The following SEMA6A variants were observed in gnomAD, a reference collection of about 807,000 sequenced individuals.
SEMA6A encodes semaphorin 6A.
A neutral mutation model predicts 96.8 loss-of-function variants in SEMA6A; 25 were observed. The ratio of observed to expected loss-of-function variants is 0.26; its 90% CI spans 0.19 to 0.36. SEMA6A has a LOEUF of 0.36. SEMA6A is among the 10% of genes least tolerant of loss of function. The probability of loss-of-function intolerance (pLI) is 1.00; values close to 1 mark genes in which losing one functional copy is unlikely to be tolerated. For synonymous variants in SEMA6A, 612 were observed against 518.0 expected (o/e 1.18, Z -2.46); for missense variants, 1,363 against 1,323.1 (o/e 1.03, Z -0.47).
At chr5:116,565,134 A>T (rs930734446) in intron 1 of SEMA6A, among the ~76,000 whole-genome samples, 10 of 151,982 alleles carry the variant, frequency 6.6e-5, no homozygotes, top group Non-Finnish European at 1.2e-4. Context: ...CTGTATTTTT[A>T]TTTATTTATT....
intron 18 of SEMA6A, among the ~76,000 whole-genome samples, chr5:116,451,100 A>C (rs1754603430): frequency 6.6e-6 from 1 of 152,184 alleles, no homozygotes; most frequent in South Asian, 2.1e-4. Context: ...ACCTTTTGGC[A>C]AGTGACTTAA....
chr5:116,563,122 T>TTTA (rs1375034244), intron 1 of SEMA6A, among the ~76,000 whole-genome samples: 4 of 152,314 alleles, frequency 2.6e-5, no homozygotes, highest in African/African-American at 9.6e-5. Context: ...TGTTTAGTAC[T>TTTA]TTATAAAGGG....
At chr5:116,501,508 T>C (rs1757878901) in intron 3 of SEMA6A, among the ~76,000 whole-genome samples, 1 of 152,228 alleles carries the variant, frequency 6.6e-6, no homozygotes, top group Admixed American at 6.5e-5. Flanking sequence ...GATATATATG[T>C]TAACTGCAAA....
rs532224875 is a variant in SEMA6A at position 116,519,481 on chromosome 5, C to T, written c.-38-14499G>A. Among the ~76,000 whole-genome samples the T allele has an allele frequency of 3.3e-5, 5 of 152,264 alleles. No individual in the cohort carries two copies. In the South Asian group the frequency reaches 8.3e-4, roughly 25 times the overall value. On this transcript the variant is annotated intron_variant, in intron 1 of 18. Transcript: ENST00000343348. ...AGCTTTTGTTAGTAATTTTCCTGTA[C>T]TCATTCATTCACTCATCGAATTCAG... is the stretch of plus-strand genomic sequence containing the variant.
chr5:116,496,406 A>T, intron 4 of SEMA6A, 93 bp from the exon 5 acceptor site: 3 of 1,005,978 alleles, frequency 3.0e-6, no homozygotes, highest in Non-Finnish European at 4.6e-6. Flanking sequence ...TAAAGGCTGA[A>T]CATATATTTA....
At chr5:116,448,303 C>T (rs1222873936) in intron 18 of SEMA6A, among the ~76,000 whole-genome samples, 1 of 151,906 alleles carries the variant, frequency 6.6e-6, no homozygotes, top group Non-Finnish European at 1.5e-5. Flanking sequence ...GGAGATCAGG[C>T]CACTGTACTC....
chr5:116,459,735 C>G (rs897453128), intron 18 of SEMA6A, among the ~76,000 whole-genome samples: 5 of 152,158 alleles, frequency 3.3e-5, no homozygotes, highest in Non-Finnish European at 7.4e-5. Flanking sequence ...ACTCTCCCTC[C>G]CCCTCTTTCC....
At chr5:116,566,062 A>G (rs908740823) in intron 1 of SEMA6A, among the ~76,000 whole-genome samples, 1 of 152,228 alleles carries the variant, frequency 6.6e-6, no homozygotes, top group Non-Finnish European at 1.5e-5. Flanking sequence ...ATAGAACATT[A>G]AAACATAATT....
chr5:116,546,968 A>C (rs1227093764), intron 1 of SEMA6A, among the ~76,000 whole-genome samples: 4 of 152,222 alleles, frequency 2.6e-5, no homozygotes, highest in African/African-American at 9.6e-5. Flanking sequence ...GAAAAACAAA[A>C]AGGAAAGGGA....
At chr5:116,465,255 C>T (rs960832570) in intron 18 of SEMA6A, among the ~76,000 whole-genome samples, 4 of 152,118 alleles carry the variant, frequency 2.6e-5, no homozygotes, top group African/African-American at 9.7e-5. Flanking sequence ...CAAGACTTTT[C>T]CAACGGAGTA....
At chr5:116,521,219 C>T (rs965576969) in intron 1 of SEMA6A, among the ~76,000 whole-genome samples, 2 of 152,222 alleles carry the variant, frequency 1.3e-5, no homozygotes, top group Non-Finnish European at 2.9e-5. Context: ...TTGTGGAATA[C>T]AAAGTGAAGC....
chr5:116,502,238 T>C lies in SEMA6A; in HGVS notation c.190A>G (p.Met64Val). The change falls in exon 3 of 19, where the codon ATG becomes GTG. Residue 64 changes from methionine to valine, a missense_variant. This residue lies in a region of SEMA6A where 480 missense variants were observed against 559.5 expected (regional missense o/e 0.86). Transcript: ENST00000343348. ...GCAGCAATGTAGAGGGTTCCGTTCATGATCATAATCATCTGGATGTCCAGC... is the reference window on the plus strand; with the variant it reads ...GCAGCAATGTAGAGGGTTCCGTTCACGATCATAATCATCTGGATGTCCAGC... ...HRLDIQMIMI[M>V]NGTLYIAARD... is the part of the protein sequence containing the mutation. 6.2e-7 allele frequency: 1 copy of C among 1,613,996 alleles called. No homozygotes were observed.
chr5:116,447,977 C>T (rs1432316119), intron 18 of SEMA6A, among the ~76,000 whole-genome samples, 166 bp from the exon 19 acceptor site: 5 of 152,042 alleles, frequency 3.3e-5, no homozygotes, highest in African/African-American at 4.8e-5. Context: ...ATTAATCCTC[C>T]CCAAGCCCCT....
chr5:116,459,899 CAT>C (rs1321343517), intron 18 of SEMA6A, among the ~76,000 whole-genome samples: 6 of 152,200 alleles, frequency 3.9e-5, no homozygotes, highest in Middle Eastern at 3.4e-3. Context: ...ACATATAGCA[CAT>C]GTTTGTTCAA....
chr5:116,507,639 T>C (rs1580452126), intron 1 of SEMA6A, among the ~76,000 whole-genome samples: 3 of 152,206 alleles, frequency 2.0e-5, no homozygotes, highest in Admixed American at 2.0e-4. Flanking sequence ...CTGCAAACAT[T>C]TGTCGATTTC....
intron 1 of SEMA6A, among the ~76,000 whole-genome samples, chr5:116,549,955 T>C (rs1356095521): frequency 6.6e-6 from 1 of 152,142 alleles, no homozygotes; most frequent in Non-Finnish European, 1.5e-5. Context: ...GTTACATTGC[T>C]CTTGGGCCTT....
At chr5:116,497,993 C>T (rs1211090743) in intron 3 of SEMA6A, among the ~76,000 whole-genome samples, 1 of 152,172 alleles carries the variant, frequency 6.6e-6, no homozygotes, top group Non-Finnish European at 1.5e-5. Flanking sequence ...ACATTTCTTG[C>T]TTCTGTTCAC....
chr5:116,525,547 G>A (rs1759182441), intron 1 of SEMA6A, among the ~76,000 whole-genome samples: 1 of 151,988 alleles, frequency 6.6e-6, no homozygotes, highest in Non-Finnish European at 1.5e-5. Context: ...TTTTCCTACT[G>A]TAGTTCCAAT....
intron 1 of SEMA6A, among the ~76,000 whole-genome samples, chr5:116,524,427 T>C (rs1015063492): frequency 3.3e-4 from 50 of 152,190 alleles, no homozygotes; most frequent in African/African-American, 1.0e-3. Flanking sequence ...CATGAAAGAA[T>C]TGTTTTCCAA....
Sources: gnomAD v4.1 joint callset for allele counts (sites outside exome capture counted in the v4.1 genomes callset) on GRCh38, gnomAD v4.1.1 for gene constraint, gnomAD v4.1.1 regional missense constraint, MANE v1.5 for transcripts, NCBI Gene and HGNC (gene_info 2026-07-23, HGNC 2026-07-21) for gene names.